The following BRCA1 variants were observed in gnomAD, a reference collection of about 807,000 sequenced individuals.
BRCA1 encodes BRCA1 DNA repair associated.
Under a neutral mutation model 173.7 loss-of-function variants are expected in BRCA1, and 140 were observed. The ratio of observed to expected loss-of-function variants is 0.81; its 90% confidence interval spans 0.70 to 0.93. BRCA1 has a LOEUF of 0.93. BRCA1 is among the 40% of genes least tolerant of loss of function. The pLI is 0.00. For missense variants in BRCA1, 1,983 were observed against 2,172.5 expected (o/e 0.91, Z 1.73); for synonymous variants, 662 against 756.0 (o/e 0.88, Z 2.04).
At chr17:43,059,085 GTCC>G (rs2051633478) in intron 18 of BRCA1, among the ~76,000 whole-genome samples, 1 of 152,150 alleles carries the variant, frequency 6.6e-6, no homozygotes, top group Non-Finnish European at 1.5e-5. Context: ...CATGTTCATA[GTCC>G]TCCTTGTACC....
chr17:43,097,802 T>C (rs569832880), intron 7 of BRCA1, among the ~76,000 whole-genome samples: 14 of 152,296 alleles, frequency 9.2e-5, no homozygotes, highest in Non-Finnish European at 1.5e-4. Flanking sequence ...AAAAGCACAA[T>C]AGTGCCTGGA....
At chr17:43,094,963 T>C in intron 9 of BRCA1, 103 bp from the exon 10 acceptor site, 3 of 1,020,412 alleles carry the variant, frequency 2.9e-6, no homozygotes, top group Non-Finnish European at 4.4e-6. Flanking sequence ...ACTGGCTATA[T>C]TAGAGAAACT....
intron 14 of BRCA1, among the ~76,000 whole-genome samples, chr17:43,072,984 T>G (rs2052522886): frequency 6.6e-6 from 1 of 151,760 alleles, no homozygotes; most frequent in Non-Finnish European, 1.5e-5. Flanking sequence ...CCCAAAGTAC[T>G]GAGATTACAG....
chr17:43,082,506 C>G lies in BRCA1; in HGVS notation c.4255G>C (p.Glu1419Gln), dbSNP rs80357309. 3.7e-6 allele frequency: 6 copies of G among 1,614,138 alleles called. No individual in the cohort carries two copies. Among genetic ancestry groups the G allele is most frequent in the Non-Finnish European group, 5.1e-6 (6 of 1,180,016 alleles). Reference sequence around the variant, plus strand: ...TTAGAAGGCTGGCTCCCATGCTGTTCTAACACAGCTTCTAGTTCAGCCATT... The same window carrying G: ...TTAGAAGGCTGGCTCCCATGCTGTTGTAACACAGCTTCTAGTTCAGCCATT... ...QEMAELEAVL[E>Q]QHGSQPSNSY... Residue 1419 changes from glutamate (E) to glutamine (Q), a missense_variant, in exon 12 of 23, where the codon GAA becomes CAA. Transcript: ENST00000357654.
At chr17:43,059,766 A>G (rs984571215) in intron 18 of BRCA1, among the ~76,000 whole-genome samples, 7 of 152,100 alleles carry the variant, frequency 4.6e-5, no homozygotes, top group African/African-American at 1.4e-4. Flanking sequence ...ACCACCAATT[A>G]CCACAAGGAT....
rs80357169 is a variant in BRCA1, at chr17:43,067,689, C to A, written c.4993G>T (p.Val1665Leu). ...SGLTPEEFML[V>L]YKFARKHHIT... ...TGGTGTTTTCTGGCAAACTTGTACA[C>A]GAGCATCTGAAATTAAATCAAATAT... Residue 1665 changes from valine (V) to leucine (L), a missense_variant, in exon 16 of 23, where the codon GTG becomes TTG. Val to Leu is a conservative substitution (Grantham distance 32, BLOSUM62 1). Coordinates refer to ENST00000357654, the MANE Select transcript of BRCA1 (RefSeq NM_007294.4). The A allele has an allele frequency of 1.9e-6, 3 of 1,610,740 alleles. No homozygotes were observed. The South Asian group carries it at 3.3e-5, about 18-fold the overall frequency.
intron 2 of BRCA1, chr17:43,118,994 G>A (rs2055423114): frequency 9.5e-6 from 2 of 211,616 alleles, no homozygotes; most frequent in South Asian, 1.9e-4. Flanking sequence ...TTGAAGTCCT[G>A]ACCTCAAGTG....
intron 1 of BRCA1, among the ~76,000 whole-genome samples, chr17:43,141,540 G>A (rs905788127): frequency 2.6e-5 from 4 of 151,938 alleles, no homozygotes; most frequent in African/African-American, 9.7e-5. Context: ...TTATCACCGG[G>A]CACGGTGGCT....
chr17:43,067,478 T>C, intron 16 of BRCA1, 130 bp downstream of exon 16: 1 of 704,640 alleles, frequency 1.4e-6, no homozygotes, highest in Non-Finnish European at 2.5e-6. Flanking sequence ...ATGGTCTCGA[T>C]CTCCTAATCT....
intron 18 of BRCA1, among the ~76,000 whole-genome samples, chr17:43,063,078 C>T (rs2051836251): frequency 1.3e-5 from 2 of 151,890 alleles, no homozygotes; most frequent in African/African-American, 4.8e-5. Flanking sequence ...TTAGTAGAAA[C>T]GGGGTTTCTC....
chr17:43,076,797 T>C (rs2052755908), intron 12 of BRCA1, among the ~76,000 whole-genome samples, 183 bp from the exon 13 acceptor site: 1 of 151,378 alleles, frequency 6.6e-6, no homozygotes, highest in Admixed American at 6.6e-5. Flanking sequence ...TAGCACCAAA[T>C]GGAATTCAAT....
At chr17:43,125,411 C>A (rs2154580319), upstream of BRCA1, 1 of 381,714 alleles carries the variant, frequency 2.6e-6, no homozygotes, top group Non-Finnish European at 5.3e-6. Flanking sequence ...GTAATTCCCG[C>A]GCTTTTCCGT....
chr17:43,093,301 C>T lies in BRCA1; in HGVS notation c.2230G>A (p.Ala744Thr), dbSNP rs786203435. 6.2e-7 allele frequency: 1 copy of T among 1,614,012 alleles called. No individual in the cohort carries two copies. ...KLETVKVSNN[A>T]EDPKDLMLSG... The stretch of plus-strand genomic sequence containing the variant: ...AACATGAGATCTTTGGGGTCTTCAG[C>T]ATTATTAGACACTTTAACTGTTTCT... Residue 744 changes from alanine (A) to threonine (T), a missense_variant, in exon 10 of 23, where the codon GCT becomes ACT. Physicochemically the swap from Ala to Thr is moderately conservative, Grantham distance 58. Transcript: ENST00000357654.
intron 6 of BRCA1, among the ~76,000 whole-genome samples, chr17:43,102,224 T>C (rs958179087): frequency 4.7e-5 from 7 of 150,452 alleles, no homozygotes; most frequent in African/African-American, 1.5e-4. Flanking sequence ...GAGTCCGCCA[T>C]CACGCTCAGC....
chr17:43,087,947 C>A (rs1273465875), intron 11 of BRCA1, among the ~76,000 whole-genome samples: 1 of 151,766 alleles, frequency 6.6e-6, no homozygotes, highest in Non-Finnish European at 1.5e-5. Context: ...AGTGCAGTAG[C>A]GTGATCACAA....
intron 3 of BRCA1, among the ~76,000 whole-genome samples, chr17:43,110,094 C>T (rs779956772): frequency 5.3e-5 from 8 of 151,922 alleles, no homozygotes; most frequent in Non-Finnish European, 5.9e-5. Flanking sequence ...CGGGGTTTCA[C>T]CATGTTAGCC....
At chr17:43,141,630 T>A (rs2056076230) in intron 1 of BRCA1, among the ~76,000 whole-genome samples, 1 of 151,590 alleles carries the variant, frequency 6.6e-6, no homozygotes, top group Non-Finnish European at 1.5e-5. Context: ...TTGGTTAACA[T>A]GGTGAAACCC....
In BRCA1 at chr17:43,095,924, T is replaced by G. The variant is rs80358033; in HGVS notation, c.594-2A>C. ...TGTAACAATTCTTGATCTCCCACAC[T>G]ATAGGGAAAAGACAGAGTCCTAATA... On this transcript the variant is annotated splice_acceptor_variant, in intron 8 of 22. Coordinates refer to ENST00000357654, the MANE Select transcript of BRCA1 (RefSeq NM_007294.4). LOFTEE classifies it high-confidence loss of function. 5.8e-5 allele frequency: 94 copies of G among 1,609,948 alleles called. No individual in the cohort carries two copies. The highest frequency in any genetic ancestry group is 7.9e-5 in the Non-Finnish European group (93 of 1,176,692).
At position 43,060,745 on chromosome 17, in the gene BRCA1, G is replaced by A. The variant is rs111581719; in HGVS notation, c.5193+2588C>T. On this transcript the variant is annotated intron_variant, in intron 18 of 22. Coordinates refer to ENST00000357654, the MANE Select transcript of BRCA1 (RefSeq NM_007294.4). ...TGGTCTCGAACTCCTGACCTCAAGT[G>A]ATTTGCCTGCCTTGGCTTCCCAAAG... 0.1 allele frequency among the ~76,000 whole-genome samples: 15,870 copies of A among 151,970 alleles called. 2,555 individuals are homozygous for A. The highest frequency in any genetic ancestry group is 0.35 in the African/African-American group (14,350 of 41,390).
Sources: gnomAD v4.1 joint callset for allele counts (sites outside exome capture counted in the v4.1 genomes callset) on GRCh38, gnomAD v4.1.1 for gene constraint, MANE v1.5 for transcripts, NCBI Gene and HGNC (gene_info 2026-07-23, HGNC 2026-07-21) for gene names.